The following UNC80 variants were observed in gnomAD, a reference collection of about 807,000 sequenced individuals.
UNC80 encodes protein unc-80 homolog.
A neutral mutation model predicts 384.6 loss-of-function variants in UNC80; 164 were observed. That is an observed-to-expected ratio of 0.43 (90% CI 0.38 to 0.49). The LOEUF (loss-of-function observed/expected upper bound fraction) is 0.49. Ranked by LOEUF, UNC80 falls within the 20% of genes least tolerant of loss-of-function variation. UNC80 has a pLI of 0.00. For missense variants in UNC80, 3,330 were observed against 4,143.0 expected (o/e 0.80, Z 5.39); for synonymous variants, 1,486 against 1,527.8 (o/e 0.97, Z 0.64).
chr2:209,892,723 A>C (rs2086459320), intron 26 of UNC80, among the ~76,000 whole-genome samples: 1 of 152,226 alleles, frequency 6.6e-6, no homozygotes, highest in Non-Finnish European at 1.5e-5. Context: ...ACTCGTAGTC[A>C]TTACAAAATT....
chr2:209,931,515 T>C (rs1168001122), intron 38 of UNC80, among the ~76,000 whole-genome samples: 1 of 152,094 alleles, frequency 6.6e-6, no homozygotes, highest in Non-Finnish European at 1.5e-5. Flanking sequence ...TCTTTTCTGA[T>C]CCTCTGAGAC....
intron 61 of UNC80, among the ~76,000 whole-genome samples, chr2:209,988,694 T>C (rs1425655013): frequency 6.6e-6 from 1 of 152,194 alleles, no homozygotes; most frequent in East Asian, 1.9e-4. Context: ...AGAATTGTTT[T>C]CCTAACATTC....
chr2:209,963,512 G>C (rs2092657843), intron 51 of UNC80, among the ~76,000 whole-genome samples: 1 of 152,144 alleles, frequency 6.6e-6, no homozygotes, highest in African/African-American at 2.4e-5. Flanking sequence ...GTAGTCTTTG[G>C]AAGCTCAAAA....
intron 28 of UNC80, among the ~76,000 whole-genome samples, chr2:209,902,058 A>G (rs1300689233): frequency 1.3e-5 from 2 of 152,220 alleles, no homozygotes; most frequent in Non-Finnish European, 2.9e-5. Flanking sequence ...AGATGTCATT[A>G]AGAACATTTG....
At position 209,771,999 on chromosome 2, in the gene UNC80, GGGA is replaced by G; in HGVS notation, c.-68_-66del. 9.1e-7 allele frequency: 1 copy of G among 1,098,348 alleles called. No homozygotes were observed. The highest frequency in any genetic ancestry group is 1.4e-6 in the Non-Finnish European group (1 of 738,300). 68.0% of individuals were successfully genotyped at this position (1,098,348 alleles called of 1,614,324 possible). A position where few individuals can be genotyped will look rare whatever the true frequency, so the allele number is the denominator to read the frequency against. On this transcript the variant is annotated 5_prime_UTR_variant, in exon 1 of 65. Transcript: ENST00000673920. ...GGAGGGGATGAGAGTTGGGAGCAGCGGGAGGAGGCGGCGGCGGCGGCTAGCGAG... is the reference window on the plus strand; with the variant it reads ...GGAGGGGATGAGAGTTGGGAGCAGCGGGAGGCGGCGGCGGCGGCTAGCGAG...
intron 22 of UNC80, among the ~76,000 whole-genome samples, chr2:209,866,634 A>G (rs900090360): frequency 6.6e-6 from 1 of 151,848 alleles, no homozygotes; most frequent in Non-Finnish European, 1.5e-5. Flanking sequence ...GTTTTAGTCT[A>G]TCCATTGAGT....
intron 35 of UNC80, among the ~76,000 whole-genome samples, chr2:209,924,111 A>C (rs1192056641): frequency 6.6e-6 from 1 of 152,270 alleles, no homozygotes; most frequent in Admixed American, 6.5e-5. Context: ...AAGCTTCCTC[A>C]GGGTTAGTTT....
rs146324846 is a variant in UNC80 at position 209,986,627 on chromosome 2, C to T, written c.9314+1715C>T. On this transcript the variant is annotated intron_variant, in intron 61 of 64. Transcript: ENST00000673920. ...TGTCTTAGATCAACTGCCGTTGATC[C>T]GTTGTTTCTGTGACCATTGTGTTTT... 3.9e-3 allele frequency among the ~76,000 whole-genome samples: 586 copies of T among 152,204 alleles called. 3 individuals are homozygous for T. The highest frequency in any genetic ancestry group is 0.013 in the African/African-American group (558 of 41,522).
chr2:209,879,118 T>A (rs1402103947), intron 24 of UNC80, among the ~76,000 whole-genome samples: 1 of 152,088 alleles, frequency 6.6e-6, no homozygotes, highest in Non-Finnish European at 1.5e-5. Flanking sequence ...GACGTAGCCA[T>A]TGACAAAACA....
At chr2:209,920,805 T>C (rs2089973741) in intron 33 of UNC80, among the ~76,000 whole-genome samples, 1 of 152,154 alleles carries the variant, frequency 6.6e-6, no homozygotes, top group African/African-American at 2.4e-5. Flanking sequence ...TTCAATTTTA[T>C]TAACCTTATG....
intron 27 of UNC80, among the ~76,000 whole-genome samples, chr2:209,895,882 G>T (rs1231360314): frequency 2.0e-5 from 3 of 152,188 alleles, no homozygotes; most frequent in Non-Finnish European, 2.9e-5. Flanking sequence ...GGTGGCTAGA[G>T]CAATAGCACT....
chr2:209,944,507 T>C (rs1465105034), intron 45 of UNC80, among the ~76,000 whole-genome samples: 1 of 152,152 alleles, frequency 6.6e-6, no homozygotes, highest in Non-Finnish European at 1.5e-5. Context: ...TGTTTTTGGT[T>C]TTCTATAACC....
Position 209,842,418 on chromosome 2 carries a change from T to A in UNC80, c.3426T>A (p.Asp1142Glu), listed in dbSNP as rs1225562986. The change falls in exon 21 of 65, where the codon GAT (aspartate) becomes GAA (glutamate). Residue 1142 changes from aspartate to glutamate, a missense_variant. Asp to Glu is a conservative substitution (Grantham distance 45, BLOSUM62 2). This residue lies in a region of UNC80 where 801 missense variants were observed against 950.8 expected (regional missense o/e 0.84). Transcript: ENST00000673920. ...GPGSGMENGR[D>E]EEENFFKRLG... ...GAAGTGGCATGGAAAATGGAAGAGA[T>A]GAAGAGGAGAATTTCTTCAAGCGTC... 1.3e-6 allele frequency: 2 copies of A among 1,551,062 alleles called. No homozygotes were observed. Among genetic ancestry groups the A allele is most frequent in the African/African-American group, 2.7e-5 (2 of 73,164 alleles).
At chr2:209,910,348 A>G (rs532518218) in intron 29 of UNC80, among the ~76,000 whole-genome samples, 4 of 152,074 alleles carry the variant, frequency 2.6e-5, no homozygotes, top group South Asian at 4.2e-4. Flanking sequence ...TCACACCAAT[A>G]GAGGGACTTT....
Position 209,829,360 on chromosome 2 carries a change from T to C in UNC80, c.2607T>C (p.Cys869=). 6.4e-7 allele frequency: 1 copy of C among 1,551,240 alleles called. No individual in the cohort carries two copies. The highest frequency in any genetic ancestry group is 8.7e-7 in the Non-Finnish European group (1 of 1,146,702). Residue 869 remains cysteine (C), a synonymous_variant, in exon 15 of 65, where the codon TGT becomes TGC. Coordinates refer to ENST00000673920, the MANE Select transcript of UNC80 (RefSeq NM_001371986.1). ...TCTTGCATGCTTTGCTAGGATTTTG[T>C]ATGGAGCCGGTCACTGACAGTAAGT... is the stretch of plus-strand genomic sequence containing the variant. ...VDFLHALLGF[C]MEPVTDNKAG...
chr2:209,838,267 C>T (rs995588230), intron 18 of UNC80, among the ~76,000 whole-genome samples: 1 of 147,798 alleles, frequency 6.8e-6, no homozygotes, highest in Non-Finnish European at 1.5e-5. Flanking sequence ...CACCCCCCAC[C>T]CCGCACCCCT....
chr2:209,855,038 A>G (rs1248815403), intron 22 of UNC80, among the ~76,000 whole-genome samples: 1 of 152,238 alleles, frequency 6.6e-6, no homozygotes, highest in Non-Finnish European at 1.5e-5. Context: ...AAAGACATGA[A>G]TCAACCCAAA....
At chr2:209,901,114 G>A (rs35280979) in intron 28 of UNC80, among the ~76,000 whole-genome samples, 13,690 of 152,254 alleles carry the variant, frequency 0.09, 810 homozygotes, top group South Asian at 0.26. Flanking sequence ...ATTGATGTAG[G>A]TGGCTATACT....
chr2:209,808,295 G>C (rs202021856), intron 7 of UNC80, among the ~76,000 whole-genome samples: 14 of 60,196 alleles, frequency 2.3e-4, no homozygotes, highest in African/African-American at 4.3e-4. Flanking sequence ...GGGCGTGGTG[G>C]TTCACGCCTG....
Sources: gnomAD v4.1 joint callset for allele counts (sites outside exome capture counted in the v4.1 genomes callset) on GRCh38, gnomAD v4.1.1 for gene constraint, gnomAD v4.1.1 regional missense constraint, MANE v1.5 for transcripts, NCBI Gene and HGNC (gene_info 2026-07-23, HGNC 2026-07-21) for gene names.